The following ATXN1 variants were observed in gnomAD, a reference collection of about 807,000 sequenced individuals.
The protein encoded by ATXN1 is ataxin-1.
ATXN1 carries 8 observed loss-of-function variants against 56.4 expected under a neutral mutation model. The observed-to-expected ratio is 0.14, with a 90% confidence interval of 0.08 to 0.26. ATXN1 has a LOEUF of 0.26. Among genes scored for constraint, ATXN1 ranks in the 10% least tolerant of loss-of-function variants. ATXN1 has a pLI of 1.00. For synonymous variants in ATXN1, 514 were observed against 494.6 expected (o/e 1.04, Z -0.52); for missense variants, 987 against 1,106.5 (o/e 0.89, Z 1.53).
intron 3 of ATXN1, among the ~76,000 whole-genome samples, chr6:16,652,405 A>C (rs1758079799): frequency 6.6e-6 from 1 of 152,194 alleles, no homozygotes; most frequent in Non-Finnish European, 1.5e-5. Flanking sequence ...ACAGTTTCTA[A>C]CTAGACAAAT....
In ATXN1 at chr6:16,299,758, A is replaced by G. The variant is rs900869321; in HGVS notation, c.*6571T>C. On this transcript the variant is annotated 3_prime_UTR_variant, in exon 8 of 8. Coordinates refer to ENST00000436367, the MANE Select transcript of ATXN1 (RefSeq NM_001128164.2). ...GGTCACCACAAATACTGACAGGACT[A>G]TCTTGAAACCTCCTTTCGGCTGACA... The G allele has an allele frequency of 2.0e-5, 3 of 152,690 alleles. No homozygotes were observed. Among genetic ancestry groups the G allele is most frequent in the Non-Finnish European group, 2.9e-5 (2 of 68,048 alleles). 9.5% of individuals were successfully genotyped at this position (152,690 alleles called of 1,614,324 possible).
intron 3 of ATXN1, among the ~76,000 whole-genome samples, chr6:16,639,364 G>A (rs1763662698): frequency 6.6e-6 from 1 of 152,142 alleles, no homozygotes; most frequent in African/African-American, 2.4e-5. Flanking sequence ...CCTATCGGAA[G>A]GAACCAACTC....
chr6:16,536,568 G>A (rs1761601468), intron 4 of ATXN1, among the ~76,000 whole-genome samples: 1 of 152,128 alleles, frequency 6.6e-6, no homozygotes, highest in Non-Finnish European at 1.5e-5. Context: ...GATTTATTTA[G>A]CCCAAATATG....
At chr6:16,413,399 G>C (rs1028132897) in intron 6 of ATXN1, among the ~76,000 whole-genome samples, 4 of 151,890 alleles carry the variant, frequency 2.6e-5, no homozygotes, top group African/African-American at 9.7e-5. Context: ...GATGCGGCTC[G>C]GGACCCATTC....
At chr6:16,382,135 G>T (rs1160331155) in intron 6 of ATXN1, among the ~76,000 whole-genome samples, 1 of 152,072 alleles carries the variant, frequency 6.6e-6, no homozygotes, top group East Asian at 1.9e-4. Flanking sequence ...CTTGAGGCCA[G>T]GAGTTTAAGA....
At chr6:16,706,269 G>A (rs1287500964) in intron 2 of ATXN1, among the ~76,000 whole-genome samples, 3 of 152,118 alleles carry the variant, frequency 2.0e-5, no homozygotes, top group Non-Finnish European at 2.9e-5. Flanking sequence ...TTAATCTGTT[G>A]CCTGCTCCCA....
At chr6:16,359,967 T>C (rs1761773681) in intron 6 of ATXN1, among the ~76,000 whole-genome samples, 1 of 152,002 alleles carries the variant, frequency 6.6e-6, no homozygotes, top group Non-Finnish European at 1.5e-5. Context: ...GGGTACAGTG[T>C]ATAGTGCTCG....
chr6:16,677,009 T>C (rs1758675479), intron 2 of ATXN1, among the ~76,000 whole-genome samples: 1 of 152,232 alleles, frequency 6.6e-6, no homozygotes, highest in South Asian at 2.1e-4. Flanking sequence ...TTATTTTCAC[T>C]TAACTAGTTA....
Position 16,640,195 on chromosome 6 carries a change from C to G in ATXN1, c.-489+17581G>C, listed in dbSNP as rs1321268395. Among the ~76,000 whole-genome samples the G allele has an allele frequency of 4.6e-5, 7 of 152,212 alleles. No individual in the cohort carries two copies. In the East Asian group the frequency reaches 1.4e-3, roughly 29 times the overall value. On this transcript the variant is annotated intron_variant, in intron 3 of 7. Coordinates refer to ENST00000436367, the MANE Select transcript of ATXN1 (RefSeq NM_001128164.2). The stretch of plus-strand genomic sequence containing the variant: ...TAATACAGTATTTCAAACTTTTGCG[C>G]TGTTATATCTGTTATGGTGATCTGA...
chr6:16,737,497 C>T (rs1249618722), intron 2 of ATXN1: 4 of 152,172 alleles, frequency 2.6e-5, no homozygotes, highest in Non-Finnish European at 5.9e-5. Flanking sequence ...AATAGATTTT[C>T]ATCTCTGAGA....
chr6:16,686,035 CTGT>C (rs753813253), intron 2 of ATXN1, among the ~76,000 whole-genome samples: 17 of 151,996 alleles, frequency 1.1e-4, no homozygotes, highest in Non-Finnish European at 2.1e-4. Context: ...ATGAAAAGTT[CTGT>C]TTTTTTTGAA....
intron 6 of ATXN1, among the ~76,000 whole-genome samples, chr6:16,364,393 C>T (rs936645184): frequency 1.3e-5 from 2 of 152,114 alleles, no homozygotes; most frequent in African/African-American, 2.4e-5. Flanking sequence ...CAAGCTCCGC[C>T]TCCACGTTCA....
chr6:16,527,218 C>T (rs956423271), intron 4 of ATXN1, among the ~76,000 whole-genome samples: 7 of 152,084 alleles, frequency 4.6e-5, no homozygotes, highest in African/African-American at 1.4e-4. Context: ...CATACCTCCC[C>T]CCGCGACTAG....
intron 3 of ATXN1, among the ~76,000 whole-genome samples, chr6:16,654,926 G>GA (rs370802800): frequency 2.0e-5 from 3 of 150,962 alleles, no homozygotes; most frequent in Non-Finnish European, 4.4e-5. Context: ...ATTTGTAAGA[G>GA]AAAAAAAAAT....
chr6:16,499,661 C>T (rs1244258811), intron 5 of ATXN1, among the ~76,000 whole-genome samples: 1 of 152,174 alleles, frequency 6.6e-6, no homozygotes, highest in Non-Finnish European at 1.5e-5. Flanking sequence ...GACACCCACC[C>T]ATTAAGATTG....
At chr6:16,320,145 G>A (rs1356058534) in intron 7 of ATXN1, among the ~76,000 whole-genome samples, 2 of 152,066 alleles carry the variant, frequency 1.3e-5, no homozygotes, top group Non-Finnish European at 2.9e-5. Context: ...CCTGCATGAG[G>A]GCCTCGGCTA....
rs1466594095 is a variant in ATXN1, at chr6:16,326,580, G to C, written c.1731C>G (p.Gly577=). ...CCCCGTTGGCCAACTGGATGATGGA[G>C]CCTTTCATGAAGTAGGGAGGCAGCG... ...PPTLPPYFMK[G]SIIQLANGEL... The change falls in exon 7 of 8, where the codon GGC becomes GGG. Residue 577 remains glycine (G), a synonymous_variant. Coordinates refer to ENST00000436367, the MANE Select transcript of ATXN1 (RefSeq NM_001128164.2). This position sits in a 1 kb window ranked among gnomAD's most constrained non-coding sequence, Gnocchi z 6.6. The C allele has an allele frequency of 6.2e-7, 1 of 1,614,186 alleles. No homozygotes were observed. Among genetic ancestry groups the C allele is most frequent in the South Asian group, 1.1e-5 (1 of 91,084 alleles).
At chr6:16,601,420 T>A (rs1281567664) in intron 3 of ATXN1, among the ~76,000 whole-genome samples, 2 of 152,250 alleles carry the variant, frequency 1.3e-5, no homozygotes, top group African/African-American at 4.8e-5. Flanking sequence ...TCCTGCTGGA[T>A]ACTTGGTAAG....
chr6:16,364,310 AT>A (rs770764085), intron 6 of ATXN1, among the ~76,000 whole-genome samples: 6 of 149,224 alleles, frequency 4.0e-5, no homozygotes, highest in Non-Finnish European at 3.0e-5. Flanking sequence ...GAGGTTCTAG[AT>A]TTTTTTTTTT....
Sources: gnomAD v4.1 joint callset for allele counts (sites outside exome capture counted in the v4.1 genomes callset) on GRCh38, gnomAD v4.1.1 for gene constraint, Gnocchi (gnomAD v3.1) non-coding constraint, MANE v1.5 for transcripts, NCBI Gene and HGNC (gene_info 2026-07-23, HGNC 2026-07-21) for gene names.